The following MYT1L variants were observed in gnomAD, a reference collection of about 807,000 sequenced individuals.
MYT1L encodes the protein myelin transcription factor 1 like, also known as myelin transcription factor 1-like protein.
MYT1L carries 12 observed loss-of-function variants against 126.7 expected under a neutral mutation model. The ratio of observed to expected loss-of-function variants is 0.09; its 90% CI spans 0.06 to 0.15. The LOEUF (loss-of-function observed/expected upper bound fraction) is 0.15, where lower values mean the gene tolerates loss of function less well. MYT1L is among the 10% of genes least tolerant of loss of function. MYT1L has a pLI of 1.00. For missense variants in MYT1L, 979 were observed against 1,585.2 expected (o/e 0.62, Z 6.49); for synonymous variants, 541 against 604.2 (o/e 0.90, Z 1.53).
intron 2 of MYT1L, among the ~76,000 whole-genome samples, chr2:2,283,074 C>A (rs1481314345): frequency 6.6e-6 from 1 of 152,136 alleles, no homozygotes; most frequent in African/African-American, 2.4e-5. Flanking sequence ...GACTCCATCC[C>A]CCCCAACACA....
At chr2:1,832,727 C>T (rs928714164) in intron 21 of MYT1L, among the ~76,000 whole-genome samples, 2 of 152,218 alleles carry the variant, frequency 1.3e-5, no homozygotes, top group Non-Finnish European at 1.5e-5. Flanking sequence ...TGTAACCTTC[C>T]TCCCTGTGGT....
In MYT1L at chr2:1,922,497, G is replaced by T; in HGVS notation, c.1272C>A (p.Phe424Leu). ...SVNSDRSEEVFDMTKGNLTLL... is the reference protein window; with the variant it reads ...SVNSDRSEEVLDMTKGNLTLL... ...GGGTCAGGTTCCCCTTGGTCATGTC[G>T]AACACCTCTTCAGACCTGTCCGAGT... The change falls in exon 10 of 25, where the codon TTC becomes TTA. Residue 424 changes from phenylalanine (F) to leucine (L), a missense_variant. Physicochemically the swap from Phe to Leu is conservative, Grantham distance 22. This residue lies in a region of MYT1L where 243 missense variants were observed against 363.9 expected (regional missense o/e 0.67). Transcript: ENST00000647738. This position sits in a 1 kb window ranked among gnomAD's most constrained non-coding sequence, Gnocchi z 7.4. 1 of 1,613,796 alleles carries T rather than the reference G, an allele frequency of 6.2e-7. No homozygotes were observed. The highest frequency in any genetic ancestry group is 8.5e-7 in the Non-Finnish European group (1 of 1,179,880).
At chr2:2,227,604 A>G (rs1185449782) in intron 2 of MYT1L, among the ~76,000 whole-genome samples, 2 of 152,182 alleles carry the variant, frequency 1.3e-5, no homozygotes, top group African/African-American at 2.4e-5. Flanking sequence ...TGGAAAGCTG[A>G]CCGCACTATC....
At chr2:1,900,535 G>A (rs1162968764) in intron 14 of MYT1L, among the ~76,000 whole-genome samples, 4 of 152,070 alleles carry the variant, frequency 2.6e-5, no homozygotes, top group Non-Finnish European at 2.9e-5. Flanking sequence ...TCCTGACCTC[G>A]TGATCCGCCC....
At chr2:2,281,995 C>T (rs549249823) in intron 2 of MYT1L, among the ~76,000 whole-genome samples, 10 of 152,312 alleles carry the variant, frequency 6.6e-5, no homozygotes, top group Admixed American at 6.5e-4. Flanking sequence ...ACAATCCTAG[C>T]TTTCTTTAAT....
intron 2 of MYT1L, among the ~76,000 whole-genome samples, chr2:2,268,827 C>G (rs1490663337): frequency 6.6e-6 from 1 of 152,110 alleles, no homozygotes; most frequent in East Asian, 1.9e-4. Flanking sequence ...GGAATTCAAA[C>G]TCATTTAGTT....
chr2:1,921,188 T>C (rs1461607389), intron 10 of MYT1L, among the ~76,000 whole-genome samples: 2 of 152,234 alleles, frequency 1.3e-5, no homozygotes, highest in African/African-American at 4.8e-5. Context: ...GTGAATAGAA[T>C]GTAATAAAAA....
chr2:1,801,522 C>T lies in MYT1L; in HGVS notation c.3276+174G>A. On this transcript the variant is annotated intron_variant, in intron 23 of 24. Transcript: ENST00000647738. The surrounding 1 kb of genome is among the most constrained non-coding windows in gnomAD (Gnocchi z 4.2). Reference sequence around the variant, plus strand: ...GAACCACGGCCCCTGCTACAGCGAACACTGCCACGGAATGGTGTCTGCGGA... The same window carrying T: ...GAACCACGGCCCCTGCTACAGCGAATACTGCCACGGAATGGTGTCTGCGGA... 3.7e-6 allele frequency: 2 copies of T among 535,788 alleles called. No individual in the cohort carries two copies. Among genetic ancestry groups the T allele is most frequent in the Non-Finnish European group, 6.6e-6 (2 of 304,428 alleles). The allele number at this position is 535,788 out of a possible 1,614,324, so 33.2% of individuals were successfully genotyped here.
intron 5 of MYT1L, among the ~76,000 whole-genome samples, chr2:1,992,599 C>T (rs946911828): frequency 6.6e-6 from 1 of 152,206 alleles, no homozygotes; most frequent in African/African-American, 2.4e-5. Context: ...AAAATTATGA[C>T]TGACACAGTG....
chr2:1,886,293 G>A (rs990014547), intron 18 of MYT1L: 3 of 372,138 alleles, frequency 8.1e-6, no homozygotes, highest in Non-Finnish European at 1.4e-5. Context: ...CATGCTTTAG[G>A]ATATCCCAGA....
chr2:1,799,599 G>A (rs2034453612), intron 23 of MYT1L, among the ~76,000 whole-genome samples: 1 of 152,224 alleles, frequency 6.6e-6, no homozygotes, highest in Non-Finnish European at 1.5e-5. Context: ...GTAGACCATG[G>A]ACTCAACACC....
intron 2 of MYT1L, among the ~76,000 whole-genome samples, chr2:2,279,301 A>G (rs763406768): frequency 4.6e-5 from 7 of 152,144 alleles, no homozygotes; most frequent in Non-Finnish European, 7.3e-5. Flanking sequence ...CCTGATTGTG[A>G]TGATAGTTCA....
chr2:2,226,565 G>A (rs1256566883), intron 2 of MYT1L, among the ~76,000 whole-genome samples: 1 of 152,032 alleles, frequency 6.6e-6, no homozygotes, highest in Non-Finnish European at 1.5e-5. Context: ...CCCAAAGCCA[G>A]CACACACCCA....
intron 2 of MYT1L, among the ~76,000 whole-genome samples, chr2:2,263,851 C>T (rs1224068765): frequency 6.6e-6 from 1 of 152,140 alleles, no homozygotes; most frequent in Non-Finnish European, 1.5e-5. Context: ...TGATTTCACC[C>T]TTGCAGCAAT....
rs1558624191 is a variant in MYT1L, at chr2:1,811,367, A to AGCATCATCAGCTCCG, written c.3081-2201_3081-2200insCGGAGCTGATGATGC. 4.8e-5 allele frequency: 3 copies of AGCATCATCAGCTCCG among 62,854 alleles called. No homozygotes were observed. The allele number at this position is 62,854 out of a possible 1,614,324, so 3.9% of individuals were successfully genotyped here. The stretch of plus-strand genomic sequence containing the variant: ...CTTTAACCCCAGCGTCATCAGCTCC[A>AGCATCATCAGCTCCG]GCATCATCAGCTCTGGCGTCATCAG... On this transcript the variant is annotated intron_variant, in intron 21 of 24. Coordinates refer to ENST00000647738, the MANE Select transcript of MYT1L (RefSeq NM_001303052.2). The surrounding 1 kb of genome is among the most constrained non-coding windows in gnomAD (Gnocchi z 4.4).
intron 3 of MYT1L, among the ~76,000 whole-genome samples, chr2:2,160,969 C>A (rs1264460660): frequency 6.6e-6 from 1 of 152,122 alleles, no homozygotes; most frequent in African/African-American, 2.4e-5. Flanking sequence ...GTAATCCCAG[C>A]ACTTTGGGAG....
chr2:2,291,826 G>T (rs1216282002), intron 1 of MYT1L, among the ~76,000 whole-genome samples: 2 of 152,234 alleles, frequency 1.3e-5, no homozygotes, highest in Non-Finnish European at 2.9e-5. Flanking sequence ...GGTCTGAAAA[G>T]AACCTAAAAG....
intron 2 of MYT1L, among the ~76,000 whole-genome samples, chr2:2,199,884 G>A (rs141779929): frequency 3.9e-5 from 6 of 152,196 alleles, no homozygotes; most frequent in African/African-American, 1.2e-4. Context: ...GACACCTCTG[G>A]GGAGGAACTT....
At chr2:2,117,337 G>A (rs1398220486) in intron 3 of MYT1L, among the ~76,000 whole-genome samples, 1 of 152,214 alleles carries the variant, frequency 6.6e-6, no homozygotes, top group African/African-American at 2.4e-5. Flanking sequence ...ATGTGTTGCA[G>A]TAGAGAAGGA....
Sources: gnomAD v4.1 joint callset for allele counts (sites outside exome capture counted in the v4.1 genomes callset) on GRCh38, gnomAD v4.1.1 for gene constraint, gnomAD v4.1.1 regional missense constraint, Gnocchi (gnomAD v3.1) non-coding constraint, MANE v1.5 for transcripts, NCBI Gene and HGNC (gene_info 2026-07-23, HGNC 2026-07-21) for gene names.